Variants in THSD7B observed in about 807,000 individuals in gnomAD.
THSD7B encodes thrombospondin type 1 domain containing 7B.
In THSD7B, 138 loss-of-function variants were observed where a neutral mutation model predicts 213.6. The observed-to-expected ratio is 0.65, with a 90% confidence interval of 0.56 to 0.74. The LOEUF (loss-of-function observed/expected upper bound fraction) is 0.74. THSD7B is among the 30% of genes least tolerant of loss of function. THSD7B has a pLI of 0.00. For synonymous variants in THSD7B, 742 were observed against 687.0 expected (o/e 1.08, Z -1.25); for missense variants, 1,931 against 1,991.5 (o/e 0.97, Z 0.58).
intron 27 of THSD7B, among the ~76,000 whole-genome samples, chr2:137,674,826 G>A (rs939093330): frequency 6.6e-6 from 1 of 152,106 alleles, no homozygotes; most frequent in Non-Finnish European, 1.5e-5. Flanking sequence ...AGGTGCTAGG[G>A]TGGGGGGCAC....
At chr2:137,275,542 T>C (rs1021543201) in intron 11 of THSD7B, among the ~76,000 whole-genome samples, 118 of 151,958 alleles carry the variant, frequency 7.8e-4, no homozygotes, top group Non-Finnish European at 1.1e-3. Context: ...TGTATTGTTT[T>C]TTTTTTTTTG....
intron 17 of THSD7B, among the ~76,000 whole-genome samples, chr2:137,585,585 T>A (rs1047530815): frequency 6.6e-6 from 1 of 152,208 alleles, no homozygotes; most frequent in Non-Finnish European, 1.5e-5. Flanking sequence ...TCTGCCTTCA[T>A]TTTGTTATAT....
intron 20 of THSD7B, among the ~76,000 whole-genome samples, chr2:137,622,071 G>A (rs1288271795): frequency 6.6e-6 from 1 of 152,144 alleles, no homozygotes; most frequent in Non-Finnish European, 1.5e-5. Context: ...ATTCATGGGG[G>A]ATCAGCACTT....
intron 14 of THSD7B, among the ~76,000 whole-genome samples, chr2:137,444,702 G>C (rs1178788082): frequency 5.3e-5 from 8 of 152,028 alleles, no homozygotes; most frequent in East Asian, 3.9e-4. Context: ...CAGGACATTG[G>C]TCTGTTCACA....
chr2:136,890,514 TTCTTTC>T lies in THSD7B; in HGVS notation c.139+8199_139+8204del, dbSNP rs1489869915. ...TCTCCTTTCTTCTCCTTTCTTCTTC[TTCTTTC>T]TTCTTCTTCTTCTTCTTCTTCTTTT... is the stretch of plus-strand genomic sequence containing the variant. On this transcript the variant is annotated intron_variant, in intron 2 of 27. Transcript: ENST00000409968. Among the ~76,000 whole-genome samples the T allele has an allele frequency of 2.9e-4, 18 of 62,516 alleles. 1 individual carries two copies. Among genetic ancestry groups the T allele is most frequent in the Non-Finnish European group, 3.5e-4 (12 of 34,714 alleles). The allele number at this position is 62,516 out of a possible 152,430, so 41.0% of individuals were successfully genotyped here.
rs181575196 is a variant in THSD7B, at chr2:136,931,923, A to C, written c.139+49606A>C. ...ATTTTAGGCATTTTGCAAATCATTT[A>C]ATGTAGAAAGTAATAGTTCTGATAT... is the stretch of plus-strand genomic sequence containing the variant. On this transcript the variant is annotated intron_variant, in intron 2 of 27. Coordinates refer to ENST00000409968, the MANE Select transcript of THSD7B (RefSeq NM_001316349.2). Among the ~76,000 whole-genome samples, 19 of 152,342 alleles carry C rather than the reference A, an allele frequency of 1.2e-4. No homozygotes were observed. In the East Asian group the frequency reaches 3.5e-3, roughly 28 times the overall value.
At chr2:136,787,525 A>G (rs1198835753) in intron 1 of THSD7B, among the ~76,000 whole-genome samples, 2 of 152,172 alleles carry the variant, frequency 1.3e-5, no homozygotes, top group African/African-American at 4.8e-5. Flanking sequence ...AAATGTGCCT[A>G]CAATGTAAGT....
At chr2:136,954,714 C>CAAAAAA (rs11378111) in intron 2 of THSD7B, among the ~76,000 whole-genome samples, 2 of 89,388 alleles carry the variant, frequency 2.2e-5, no homozygotes, top group African/African-American at 5.6e-5. Context: ...GACTCTGTCT[C>CAAAAAA]AAAAAAAAAA....
At chr2:137,003,791 C>G (rs75572487) in intron 2 of THSD7B, among the ~76,000 whole-genome samples, 1 of 152,082 alleles carries the variant, frequency 6.6e-6, no homozygotes, top group Non-Finnish European at 1.5e-5. Flanking sequence ...TCAGTTCCAG[C>G]TTACAGGTAA....
At chr2:137,620,846 C>T in intron 20 of THSD7B, 120 bp downstream of exon 20, 1 of 773,052 alleles carries the variant, frequency 1.3e-6, no homozygotes, top group South Asian at 1.8e-5. Flanking sequence ...TGAAACTGAC[C>T]CACAGGGGAA....
At chr2:137,066,150 A>C (rs1687374920) in intron 3 of THSD7B, among the ~76,000 whole-genome samples, 1 of 149,622 alleles carries the variant, frequency 6.7e-6, no homozygotes, top group Admixed American at 6.7e-5. Context: ...TTTGAAGTAT[A>C]ATTTCATTGG....
intron 10 of THSD7B, among the ~76,000 whole-genome samples, chr2:137,260,268 C>A (rs1682410853): frequency 6.6e-6 from 1 of 152,000 alleles, no homozygotes; most frequent in Non-Finnish European, 1.5e-5. Flanking sequence ...ATATTAAAAA[C>A]AGTTTTAAAG....
At chr2:136,884,792 T>G (rs1683688427) in intron 2 of THSD7B, among the ~76,000 whole-genome samples, 1 of 152,142 alleles carries the variant, frequency 6.6e-6, no homozygotes, top group Admixed American at 6.6e-5. Flanking sequence ...TTTAATAAAT[T>G]TATCTAGTTT....
chr2:137,401,634 C>CTTTTTTTTTTTTTTT (rs35834967), intron 12 of THSD7B, among the ~76,000 whole-genome samples: 2 of 132,696 alleles, frequency 1.5e-5, no homozygotes, highest in Non-Finnish European at 1.6e-5. Context: ...TTCTTTCTTT[C>CTTTTTTTTTTTTTTT]TTTTTTTTTT....
At chr2:137,480,513 A>T (rs1688282816) in intron 15 of THSD7B, among the ~76,000 whole-genome samples, 1 of 152,244 alleles carries the variant, frequency 6.6e-6, no homozygotes, top group African/African-American at 2.4e-5. Context: ...GTAGTTTAAT[A>T]AAAAAGTAAC....
In THSD7B at chr2:136,816,332, T is replaced by C. The variant is rs1573651665; in HGVS notation, c.-36+50645T>C. ...CCTGGAAGGTATCCTTTGATATTGT[T>C]AAATGTCTACTACATGCACACATTT... is the stretch of plus-strand genomic sequence containing the variant. On this transcript the variant is annotated intron_variant, in intron 1 of 27. Coordinates refer to ENST00000409968, the MANE Select transcript of THSD7B (RefSeq NM_001316349.2). Among the ~76,000 whole-genome samples, 3 of 152,338 alleles carry C rather than the reference T, an allele frequency of 2.0e-5. No homozygotes were observed. The East Asian group carries it at 5.8e-4, about 29-fold the overall frequency.
intron 2 of THSD7B, among the ~76,000 whole-genome samples, chr2:136,921,732 A>G (rs1397369370): frequency 6.6e-6 from 1 of 152,228 alleles, no homozygotes; most frequent in Non-Finnish European, 1.5e-5. Context: ...TAGAATTCAT[A>G]AAGGCCCTGT....
intron 1 of THSD7B, among the ~76,000 whole-genome samples, chr2:136,842,629 G>A (rs1682937176): frequency 1.3e-5 from 2 of 152,162 alleles, no homozygotes; most frequent in African/African-American, 4.8e-5. Context: ...AGGTAAACTT[G>A]TCTCCTCTTT....
chr2:137,495,699 C>G (rs368662191), intron 15 of THSD7B, among the ~76,000 whole-genome samples: 1 of 152,258 alleles, frequency 6.6e-6, no homozygotes, highest in East Asian at 1.9e-4. Context: ...TCCCCCTTAT[C>G]CCATACATTT....
Sources: allele counts gnomAD v4.1 joint callset (sites outside exome capture counted in the v4.1 genomes callset), GRCh38; gene constraint gnomAD v4.1.1; transcripts MANE v1.5; gene names NCBI Gene and HGNC (gene_info 2026-07-23, HGNC 2026-07-21).